The following DMXL1 variants were observed in gnomAD, a reference collection of about 807,000 sequenced individuals.
DMXL1 encodes the protein Dmx like 1.
A neutral mutation model predicts 319.2 loss-of-function variants in DMXL1; 99 were observed. That is an observed-to-expected ratio of 0.31 (90% CI 0.26 to 0.37). The LOEUF (loss-of-function observed/expected upper bound fraction) is 0.37, where lower values mean the gene tolerates loss of function less well. DMXL1 is among the 10% of genes least tolerant of loss of function. The pLI is 1.00. For missense variants in DMXL1, 3,745 were observed against 3,595.6 expected (o/e 1.04, Z -1.06); for synonymous variants, 1,385 against 1,235.2 (o/e 1.12, Z -2.54).
At chr5:119,234,975 A>C (rs1787468514) in intron 39 of DMXL1, among the ~76,000 whole-genome samples, 1 of 152,156 alleles carries the variant, frequency 6.6e-6, no homozygotes, top group South Asian at 2.1e-4. Flanking sequence ...GGCACAAAAA[A>C]CTGCTTGTCT....
At chr5:119,187,869 G>T (rs1778019891) in intron 28 of DMXL1, among the ~76,000 whole-genome samples, 1 of 152,104 alleles carries the variant, frequency 6.6e-6, no homozygotes, top group South Asian at 2.1e-4. Context: ...CACCATGTTG[G>T]CCAGGCTGGA....
chr5:119,146,326 T>G (rs1489469950), intron 15 of DMXL1, among the ~76,000 whole-genome samples: 4 of 151,964 alleles, frequency 2.6e-5, no homozygotes, highest in Non-Finnish European at 5.9e-5. Context: ...TTTAAAAAGA[T>G]ATGTTTATTT....
Position 119,121,013 on chromosome 5 carries a change from G to A in DMXL1, c.976G>A (p.Ala326Thr), listed in dbSNP as rs1444953102. Residue 326 changes from alanine to threonine, a missense_variant, in exon 9 of 44, where the codon GCT (alanine) becomes ACT (threonine). By Grantham distance (58) the Ala-to-Thr change is moderately conservative (BLOSUM62 0). Around this residue, in one of 4 missense-constraint regions of DMXL1, gnomAD observed 2,096 missense variants for 1,985.4 expected, o/e 1.06. Transcript: ENST00000539542. ...TCGTAGAGGTCGGAGGAGATCACTT[G>A]CTCTTGTAGCACATACGGGATATCT... ...HFRRGRRRSL[A>T]LVAHTGYLPH... 6.2e-7 allele frequency: 1 copy of A among 1,613,280 alleles called. No homozygotes were observed. The highest frequency in any genetic ancestry group is 8.5e-7 in the Non-Finnish European group (1 of 1,179,830).
chr5:119,103,680 T>C (rs1348693020), intron 3 of DMXL1, among the ~76,000 whole-genome samples: 1 of 152,216 alleles, frequency 6.6e-6, no homozygotes, highest in East Asian at 1.9e-4. Flanking sequence ...TATTTGAGCC[T>C]CTTAAAGCCT....
In DMXL1 at chr5:119,086,609, G is replaced by A. The variant is rs144385680; in HGVS notation, c.88-11370G>A. On this transcript the variant is annotated intron_variant, in intron 1 of 43. Transcript: ENST00000539542. ...TCTCTTCAGTTTTTTTGAAGAGTTT[G>A]AGTAGAATTGGTGTTAGTTCTTCTT... Among the ~76,000 whole-genome samples, 587 of 152,256 alleles carry A rather than the reference G, an allele frequency of 3.9e-3. 9 individuals are homozygous for A. Among genetic ancestry groups the A allele is most frequent in the South Asian group, 0.026 (126 of 4,824 alleles).
chr5:119,118,285 AGT>A (rs749667044), intron 7 of DMXL1, among the ~76,000 whole-genome samples: 31 of 152,196 alleles, frequency 2.0e-4, no homozygotes, highest in Non-Finnish European at 4.0e-4. Flanking sequence ...TTTTTGTGAC[AGT>A]GTGCAGGTGC....
chr5:119,207,481 C>T (rs1406867579), intron 34 of DMXL1, among the ~76,000 whole-genome samples: 3 of 152,026 alleles, frequency 2.0e-5, no homozygotes, highest in Admixed American at 1.3e-4. Flanking sequence ...TATGAAAAAA[C>T]TCCTAGGCGT....
chr5:119,084,588 G>A (rs114167292), intron 1 of DMXL1, among the ~76,000 whole-genome samples: 3 of 152,128 alleles, frequency 2.0e-5, no homozygotes, highest in African/African-American at 7.2e-5. Context: ...CCTTGGCTGG[G>A]TGCTGTGGCT....
At position 119,071,665 on chromosome 5, in the gene DMXL1, G is replaced by A. The variant is rs373596268; in HGVS notation, c.87+9G>A. 1.9e-6 allele frequency: 3 copies of A among 1,578,784 alleles called. No homozygotes were observed. In the African/African-American group the frequency reaches 4.1e-5, roughly 21 times the overall value. ...GCGACCAGCGCTTCACGGTGAGTGA[G>A]GGAGGCCCTCGCGTCGCCCGTGGCC... On this transcript the variant is annotated intron_variant, in intron 1 of 43. Coordinates refer to ENST00000539542, the MANE Select transcript of DMXL1 (RefSeq NM_001290321.3).
chr5:119,090,697 G>C lies in DMXL1; in HGVS notation c.88-7282G>C, dbSNP rs568834065. Reference sequence around the variant, plus strand: ...CCTGCCTCAGCCTCCCAAGTAGCTGGGATTACCGGCGCCTGCTACCATGCC... The same window carrying C: ...CCTGCCTCAGCCTCCCAAGTAGCTGCGATTACCGGCGCCTGCTACCATGCC... On this transcript the variant is annotated intron_variant, in intron 1 of 43. Coordinates refer to ENST00000539542, the MANE Select transcript of DMXL1 (RefSeq NM_001290321.3). Among the ~76,000 whole-genome samples the C allele has an allele frequency of 1.8e-4, 27 of 151,640 alleles. 1 individual carries two copies. In the South Asian group the frequency reaches 5.0e-3, roughly 28 times the overall value.
At chr5:119,082,207 G>T (rs1178018194) in intron 1 of DMXL1, among the ~76,000 whole-genome samples, 1 of 152,042 alleles carries the variant, frequency 6.6e-6, no homozygotes, top group Non-Finnish European at 1.5e-5. Context: ...AAACTCTTGA[G>T]TTTAAACAGT....
chr5:119,193,972 T>G lies in DMXL1; in HGVS notation c.7457+2T>G. 6.5e-7 allele frequency: 1 copy of G among 1,543,506 alleles called. No homozygotes were observed. Among genetic ancestry groups the G allele is most frequent in the Non-Finnish European group, 8.8e-7 (1 of 1,141,856 alleles). ...ACATTCTAATTCAAATTCATATAGG[T>G]ATGGTATATTTTATTTTAAATTTCT... On this transcript the variant is annotated splice_donor_variant, in intron 30 of 43. Transcript: ENST00000539542. LOFTEE classifies it high-confidence loss of function.
chr5:119,072,404 CATG>C (rs1307449239), intron 1 of DMXL1, among the ~76,000 whole-genome samples: 5 of 151,984 alleles, frequency 3.3e-5, no homozygotes, highest in Non-Finnish European at 5.9e-5. Context: ...AGTAATTGCA[CATG>C]ATACTTTTAT....
intron 33 of DMXL1, among the ~76,000 whole-genome samples, chr5:119,203,898 G>A (rs1343261081): frequency 6.6e-6 from 1 of 152,052 alleles, no homozygotes; most frequent in Non-Finnish European, 1.5e-5. Context: ...TCAGCTTACT[G>A]CAAGCTCCGC....
chr5:119,244,651 C>A, intron 43 of DMXL1, 75 bp downstream of exon 43: 3 of 1,026,530 alleles, frequency 2.9e-6, no homozygotes, highest in Non-Finnish European at 4.4e-6. Flanking sequence ...GTATTGATGA[C>A]ATCAATCTAT....
rs539661869 is a variant in DMXL1 at position 119,205,211 on chromosome 5, C to T, written c.7864-1623C>T. On this transcript the variant is annotated intron_variant, in intron 33 of 43. Coordinates refer to ENST00000539542, the MANE Select transcript of DMXL1 (RefSeq NM_001290321.3). ...TAGAAAAATCTTATTTTTCTACTGC[C>T]GATATATTTGGGTATTTGGGAAATG... is the stretch of plus-strand genomic sequence containing the variant. 6.6e-5 allele frequency among the ~76,000 whole-genome samples: 10 copies of T among 151,442 alleles called. No individual in the cohort carries two copies. The South Asian group carries it at 1.0e-3, about 16-fold the overall frequency.
At chr5:119,233,315 C>A in intron 38 of DMXL1, 25 bp from the exon 39 acceptor site, 2 of 1,588,778 alleles carry the variant, frequency 1.3e-6, no homozygotes, top group South Asian at 1.2e-5. Context: ...AATAAATCTG[C>A]AATTTTTGCC....
intron 20 of DMXL1, 48 bp downstream of exon 20, chr5:119,164,724 T>A: frequency 6.7e-7 from 1 of 1,503,198 alleles, no homozygotes; most frequent in Non-Finnish European, 9.0e-7. Context: ...TTTTTGGACG[T>A]TTCTTTAAAT....
At chr5:119,075,388 C>T (rs1426867125) in intron 1 of DMXL1, among the ~76,000 whole-genome samples, 1 of 151,724 alleles carries the variant, frequency 6.6e-6, no homozygotes, top group Non-Finnish European at 1.5e-5. Context: ...TACAGGCGCA[C>T]ACCACCACGC....
Sources: gnomAD v4.1 joint callset for allele counts (sites outside exome capture counted in the v4.1 genomes callset) on GRCh38, gnomAD v4.1.1 for gene constraint, gnomAD v4.1.1 regional missense constraint, MANE v1.5 for transcripts, NCBI Gene and HGNC (gene_info 2026-07-23, HGNC 2026-07-21) for gene names.